The following SGCZ variants were observed in gnomAD, a reference collection of about 807,000 sequenced individuals.
SGCZ encodes the protein sarcoglycan zeta.
In SGCZ, 40 loss-of-function variants were observed where a neutral mutation model predicts 41.3. The ratio of observed to expected loss-of-function variants is 0.97; its 90% CI spans 0.75 to 1.26. The LOEUF is 1.26. SGCZ is among the 50% of genes most tolerant of loss of function. The pLI is 0.00. For missense variants in SGCZ, 552 were observed against 369.8 expected, an observed-to-expected ratio of 1.49 and a Z score of -4.04; for synonymous variants, 206 against 137.5, an observed-to-expected ratio of 1.50 and a Z score of -3.49.
At chr8:15,126,845 C>G (rs1287225422) in intron 1 of SGCZ, among the ~76,000 whole-genome samples, 1 of 152,078 alleles carries the variant, frequency 6.6e-6, no homozygotes, top group Non-Finnish European at 1.5e-5. Flanking sequence ...GAGGTCAGAC[C>G]TCTACTCTAG....
chr8:14,763,724 G>A (rs953799935), intron 1 of SGCZ, among the ~76,000 whole-genome samples: 1 of 152,122 alleles, frequency 6.6e-6, no homozygotes, highest in Non-Finnish European at 1.5e-5. Flanking sequence ...TCTACAATAA[G>A]TAACAGTTTA....
At chr8:14,406,924 A>G (rs1799226590) in intron 2 of SGCZ, among the ~76,000 whole-genome samples, 1 of 152,144 alleles carries the variant, frequency 6.6e-6, no homozygotes, top group Non-Finnish European at 1.5e-5. Flanking sequence ...ACAATTTGCT[A>G]TTTAACATCA....
chr8:14,137,725 G>C (rs1803244883), intron 5 of SGCZ, among the ~76,000 whole-genome samples: 2 of 152,122 alleles, frequency 1.3e-5, no homozygotes, highest in South Asian at 4.1e-4. Flanking sequence ...AAAAGTGATG[G>C]GGAGAATGGA....
chr8:14,248,446 A>T (rs535482334), intron 3 of SGCZ, among the ~76,000 whole-genome samples: 2 of 152,306 alleles, frequency 1.3e-5, no homozygotes, highest in East Asian at 3.9e-4. Flanking sequence ...TATGAGTATC[A>T]TGAATGATGA....
intron 5 of SGCZ, among the ~76,000 whole-genome samples, chr8:14,125,980 A>C (rs1039424467): frequency 6.6e-6 from 1 of 152,238 alleles, no homozygotes; most frequent in Non-Finnish European, 1.5e-5. Flanking sequence ...AAATTAACTC[A>C]AGATAGATTA....
chr8:15,143,651 T>C (rs536414299), intron 1 of SGCZ, among the ~76,000 whole-genome samples: 6 of 152,348 alleles, frequency 3.9e-5, no homozygotes, highest in Admixed American at 1.3e-4. Flanking sequence ...TGTCTGACAC[T>C]AGGAGAATTA....
rs73521080 is a variant in SGCZ, at chr8:15,037,223, G to T, written c.39+200362C>A. On this transcript the variant is annotated intron_variant, in intron 1 of 7. Coordinates refer to ENST00000382080, the MANE Select transcript of SGCZ (RefSeq NM_139167.4). Reference sequence around the variant, plus strand: ...CAGTAGGAGATAACTGAATCATAATGGAGGCGGTTACCCCCATGCTAATCT... The same window carrying T: ...CAGTAGGAGATAACTGAATCATAATTGAGGCGGTTACCCCCATGCTAATCT... Among the ~76,000 whole-genome samples the T allele has an allele frequency of 9.8e-3, 1,488 of 152,210 alleles. 21 individuals carry two copies. Among genetic ancestry groups the T allele is most frequent in the African/African-American group, 0.033 (1,389 of 41,518 alleles).
At chr8:14,249,610 C>A (rs73517202) in intron 3 of SGCZ, among the ~76,000 whole-genome samples, 1,911 of 152,180 alleles carry the variant, frequency 0.013, 21 homozygotes, top group African/African-American at 0.032. Context: ...TGTGGTTATA[C>A]CTTAGCTATA....
chr8:15,092,378 C>A (rs1367428391), intron 1 of SGCZ, among the ~76,000 whole-genome samples: 10 of 152,216 alleles, frequency 6.6e-5, no homozygotes, highest in Middle Eastern at 3.4e-3. Context: ...TTAATAGTTA[C>A]ATATAAATGT....
chr8:15,161,461 T>C lies in SGCZ; in HGVS notation c.39+76124A>G, dbSNP rs944680240. ...CATCCTCAATTTTTCACCATCAGGA[T>C]GTCTGCTTCATGAGGGCCAGGGCTG... On this transcript the variant is annotated intron_variant, in intron 1 of 7. Coordinates refer to ENST00000382080, the MANE Select transcript of SGCZ (RefSeq NM_139167.4). Among the ~76,000 whole-genome samples the C allele has an allele frequency of 5.8e-4, 88 of 152,202 alleles. 2 individuals carry two copies. The highest frequency in any genetic ancestry group is 3.9e-3 in the Admixed American group (60 of 15,280).
At chr8:14,856,968 G>C (rs1288551313) in intron 1 of SGCZ, among the ~76,000 whole-genome samples, 1 of 152,122 alleles carries the variant, frequency 6.6e-6, no homozygotes, top group Non-Finnish European at 1.5e-5. Context: ...GCCCAAATCT[G>C]AAGTGGAATG....
chr8:14,531,412 C>T (rs373407375), intron 2 of SGCZ, among the ~76,000 whole-genome samples: 8 of 151,878 alleles, frequency 5.3e-5, no homozygotes, highest in Admixed American at 2.0e-4. Flanking sequence ...CACTGAACTG[C>T]GGGAATGAAA....
intron 1 of SGCZ, among the ~76,000 whole-genome samples, chr8:14,572,411 T>C (rs1585090677): frequency 6.6e-6 from 1 of 152,144 alleles, no homozygotes; most frequent in South Asian, 2.1e-4. Flanking sequence ...ATAATAATAA[T>C]ATTAGTAGCA....
At chr8:15,213,098 G>C (rs935166976) in intron 1 of SGCZ, among the ~76,000 whole-genome samples, 1 of 151,926 alleles carries the variant, frequency 6.6e-6, no homozygotes, top group African/African-American at 2.4e-5. Flanking sequence ...GGGGAAGGTT[G>C]GAAAACAGAT....
intron 1 of SGCZ, among the ~76,000 whole-genome samples, chr8:14,660,758 TTC>T (rs1807722174): frequency 6.6e-6 from 1 of 151,978 alleles, no homozygotes; most frequent in South Asian, 2.1e-4. Flanking sequence ...AAGCTTGGCA[TTC>T]TCAAAATAAA....
intron 4 of SGCZ, among the ~76,000 whole-genome samples, chr8:14,227,017 T>C (rs1399872154): frequency 6.6e-6 from 1 of 152,088 alleles, no homozygotes; most frequent in East Asian, 1.9e-4. Context: ...TAGTGTGCTT[T>C]AGGTAGCTGA....
chr8:15,234,181 G>T (rs998512188), intron 1 of SGCZ, among the ~76,000 whole-genome samples: 1 of 152,128 alleles, frequency 6.6e-6, no homozygotes, highest in Non-Finnish European at 1.5e-5. Flanking sequence ...AAGATCAGTT[G>T]TTTAAAAGAG....
chr8:14,260,103 G>C (rs890001103), intron 3 of SGCZ, among the ~76,000 whole-genome samples: 1 of 152,036 alleles, frequency 6.6e-6, no homozygotes, highest in Non-Finnish European at 1.5e-5. Context: ...CTCATGATTT[G>C]GCTCTCTGTT....
At chr8:14,970,330 T>A (rs1351684895) in intron 1 of SGCZ, among the ~76,000 whole-genome samples, 1 of 152,154 alleles carries the variant, frequency 6.6e-6, no homozygotes, top group East Asian at 1.9e-4. Flanking sequence ...TTAATGCTGT[T>A]CTGGAAGAGC....
Sources: allele counts gnomAD v4.1 joint callset (sites outside exome capture counted in the v4.1 genomes callset), GRCh38; gene constraint gnomAD v4.1.1; transcripts MANE v1.5; gene names NCBI Gene and HGNC (gene_info 2026-07-23, HGNC 2026-07-21).